Variants in NDUFS4 observed in about 807,000 individuals in gnomAD.
NDUFS4 encodes NADH:ubiquinone oxidoreductase subunit S4, also known as NADH dehydrogenase [ubiquinone] iron-sulfur protein 4, mitochondrial.
NDUFS4 carries 28 observed loss-of-function variants against 24.3 expected under a neutral mutation model. The observed-to-expected ratio is 1.15, with a 90% CI of 0.85 to 1.58. The LOEUF (loss-of-function observed/expected upper bound fraction) is 1.58. NDUFS4 is among the 40% of genes most tolerant of loss of function. The probability of loss-of-function intolerance (pLI) is 0.00; values close to 1 mark genes in which losing one functional copy is unlikely to be tolerated. For missense variants in NDUFS4, 223 were observed against 207.9 expected, an observed-to-expected ratio of 1.07 and a Z score of -0.45; for synonymous variants, 93 against 69.7, an observed-to-expected ratio of 1.34 and a Z score of -1.67.
intron 2 of NDUFS4, among the ~76,000 whole-genome samples, chr5:53,607,234 T>C (rs73754267): frequency 0.097 from 14,705 of 152,196 alleles, 873 homozygotes; most frequent in East Asian, 0.19. Flanking sequence ...TCAAGCGCAG[T>C]GATAGTTTTT....
intron 3 of NDUFS4, among the ~76,000 whole-genome samples, chr5:53,653,425 C>T (rs1256465142): frequency 6.6e-6 from 1 of 152,178 alleles, no homozygotes; most frequent in African/African-American, 2.4e-5. Context: ...TGTTCTAACA[C>T]ATTGCCAAAG....
At chr5:53,630,443 A>T (rs1404076091) in intron 2 of NDUFS4, among the ~76,000 whole-genome samples, 3 of 151,668 alleles carry the variant, frequency 2.0e-5, no homozygotes, top group African/African-American at 7.3e-5. Flanking sequence ...TAGGTTGGGG[A>T]AGTTCTCCTG....
chr5:53,577,334 G>T (rs901695962), intron 1 of NDUFS4, among the ~76,000 whole-genome samples: 1 of 152,094 alleles, frequency 6.6e-6, no homozygotes, highest in African/African-American at 2.4e-5. Flanking sequence ...GGCGTAATGG[G>T]CTCACTTGAG....
intron 3 of NDUFS4, among the ~76,000 whole-genome samples, chr5:53,657,574 C>T (rs564994643): frequency 6.6e-6 from 1 of 152,226 alleles, no homozygotes; most frequent in African/African-American, 2.4e-5. Context: ...ATGCTATATT[C>T]ACCTCTGAGA....
At chr5:53,666,376 A>G (rs1752514627) in intron 4 of NDUFS4, among the ~76,000 whole-genome samples, 1 of 152,210 alleles carries the variant, frequency 6.6e-6, no homozygotes, top group African/African-American at 2.4e-5. Flanking sequence ...TCCTATTAAA[A>G]TCAAGTGCCT....
At chr5:53,579,913 T>C (rs1749501260) in intron 1 of NDUFS4, among the ~76,000 whole-genome samples, 2 of 152,164 alleles carry the variant, frequency 1.3e-5, no homozygotes, top group Non-Finnish European at 2.9e-5. Flanking sequence ...CAACAGTCTC[T>C]AAAAGCTAGA....
chr5:53,578,475 A>G (rs1478214128), intron 1 of NDUFS4, among the ~76,000 whole-genome samples: 1 of 151,990 alleles, frequency 6.6e-6, no homozygotes, highest in East Asian at 1.9e-4. Flanking sequence ...TACTTGAGCT[A>G]CTCTATTGGA....
intron 1 of NDUFS4, among the ~76,000 whole-genome samples, chr5:53,601,748 A>C (rs1750331808): frequency 6.6e-6 from 1 of 152,150 alleles, no homozygotes; most frequent in African/African-American, 2.4e-5. Flanking sequence ...GCTCTGTCTC[A>C]CCCAGGATGT....
At chr5:53,633,541 C>A (rs1751468555) in intron 2 of NDUFS4, among the ~76,000 whole-genome samples, 1 of 152,226 alleles carries the variant, frequency 6.6e-6, no homozygotes, top group African/African-American at 2.4e-5. Flanking sequence ...TTCTGACTAC[C>A]CACTCTTCAT....
chr5:53,683,296 A>C lies in NDUFS4; in HGVS notation c.*75A>C, dbSNP rs1740745333. Reference sequence around the variant, plus strand: ...AGTATTTATAGTCCATGTATAATAAATACATCTCTTAATCTCCTAATAAAT... The same window carrying C: ...AGTATTTATAGTCCATGTATAATAACTACATCTCTTAATCTCCTAATAAAT... On this transcript the variant is annotated 3_prime_UTR_variant, in exon 5 of 5. Coordinates refer to ENST00000296684, the MANE Select transcript of NDUFS4 (RefSeq NM_002495.4). 7.8e-6 allele frequency: 8 copies of C among 1,026,954 alleles called. No individual in the cohort carries two copies. Among genetic ancestry groups the C allele is most frequent in the South Asian group, 2.5e-5 (2 of 78,466 alleles). The allele number at this position is 1,026,954 out of a possible 1,614,324, so 63.6% of individuals were successfully genotyped here.
At chr5:53,589,651 T>C (rs1260398378) in intron 1 of NDUFS4, among the ~76,000 whole-genome samples, 1 of 152,200 alleles carries the variant, frequency 6.6e-6, no homozygotes, top group East Asian at 1.9e-4. Flanking sequence ...TGCAAAGTAT[T>C]GATCCTGGGT....
chr5:53,654,287 A>T (rs1752101149), intron 3 of NDUFS4, among the ~76,000 whole-genome samples: 1 of 152,060 alleles, frequency 6.6e-6, no homozygotes, highest in African/African-American at 2.4e-5. Context: ...ATCCAATTAT[A>T]TGTTTTATAA....
chr5:53,611,757 G>C (rs1408635773), intron 2 of NDUFS4, among the ~76,000 whole-genome samples: 1 of 152,008 alleles, frequency 6.6e-6, no homozygotes, highest in Non-Finnish European at 1.5e-5. Flanking sequence ...GCTTTATTAT[G>C]AGGGTAACTT....
At chr5:53,659,429 C>T (rs1752264069) in intron 4 of NDUFS4, among the ~76,000 whole-genome samples, 2 of 152,112 alleles carry the variant, frequency 1.3e-5, no homozygotes, top group South Asian at 4.1e-4. Flanking sequence ...AATAAGGGTA[C>T]CTACCTCATG....
intron 2 of NDUFS4, among the ~76,000 whole-genome samples, chr5:53,607,135 A>G (rs933859532): frequency 9.2e-5 from 14 of 152,210 alleles, no homozygotes; most frequent in African/African-American, 3.1e-4. Context: ...TTTCCAGCTG[A>G]AATCAATTGG....
chr5:53,629,779 C>T (rs1751351143), intron 2 of NDUFS4, among the ~76,000 whole-genome samples: 1 of 151,908 alleles, frequency 6.6e-6, no homozygotes, highest in East Asian at 1.9e-4. Context: ...ATGTCTTTGC[C>T]TGTGAGATGG....
At chr5:53,658,646 C>G in intron 4 of NDUFS4, 22 bp downstream of exon 4, 1 of 1,559,486 alleles carries the variant, frequency 6.4e-7, no homozygotes, top group Non-Finnish European at 8.8e-7. Flanking sequence ...CTGTTTTTGA[C>G]AAAGTCAAGA....
intron 1 of NDUFS4, among the ~76,000 whole-genome samples, chr5:53,584,084 GCA>G (rs1177679557): frequency 1.3e-5 from 2 of 152,124 alleles, no homozygotes; most frequent in Non-Finnish European, 2.9e-5. Flanking sequence ...ACTCCCCAAT[GCA>G]CAGTTATTTC....
intron 1 of NDUFS4, among the ~76,000 whole-genome samples, chr5:53,567,128 C>A (rs4865548): frequency 2.6e-5 from 4 of 152,226 alleles, no homozygotes; most frequent in African/African-American, 9.6e-5. Flanking sequence ...GAATTACAGG[C>A]GTGAGCCACT....
Sources: gnomAD v4.1 joint callset for allele counts (sites outside exome capture counted in the v4.1 genomes callset) on GRCh38, gnomAD v4.1.1 for gene constraint, MANE v1.5 for transcripts, NCBI Gene and HGNC (gene_info 2026-07-23, HGNC 2026-07-21) for gene names.